ZNF343: variants seen among roughly 807,000 people sequenced by gnomAD.
The protein encoded by ZNF343 is zinc finger protein 343.
In ZNF343, 11 loss-of-function variants were observed where a neutral mutation model predicts 13.8. That is an observed-to-expected ratio of 0.80 (90% CI 0.50 to 1.32). The LOEUF (loss-of-function observed/expected upper bound fraction) is 1.32, where lower values mean the gene tolerates loss of function less well. Among genes scored for constraint, ZNF343 ranks in the 40% most tolerant of loss-of-function variants. The probability of loss-of-function intolerance (pLI) is 0.00; values close to 1 mark genes in which losing one functional copy is unlikely to be tolerated. For synonymous variants in ZNF343, 248 were observed against 260.0 expected (o/e 0.95, Z 0.44); for missense variants, 658 against 714.2 (o/e 0.92, Z 0.90).
intron 2 of ZNF343, among the ~76,000 whole-genome samples, chr20:2,494,866 C>G (rs1177186840): frequency 6.6e-6 from 1 of 152,114 alleles, no homozygotes; most frequent in Non-Finnish European, 1.5e-5. Context: ...CCAGTTCTCA[C>G]AATTACTCTG....
In ZNF343 at chr20:2,520,426, G is replaced by C. The variant is rs149005076; in HGVS notation, c.-347+4029C>G. ...GGTGGGAGGATCTCTTGAGCCCAGA[G>C]GTTAGAGATCAGCCTGGACAACATG... is the stretch of plus-strand genomic sequence containing the variant. On this transcript the variant is annotated intron_variant, in intron 1 of 6. Transcript: ENST00000358413. Among the ~76,000 whole-genome samples the C allele has an allele frequency of 2.2e-3, 332 of 152,108 alleles. 2 individuals are homozygous for C. Among genetic ancestry groups the C allele is most frequent in the African/African-American group, 7.4e-3 (306 of 41,472 alleles).
At position 2,484,350 on chromosome 20, in the gene ZNF343, G is replaced by C. The variant is rs958067692; in HGVS notation, c.611C>G (p.Pro204Arg). The C allele has an allele frequency of 5.6e-6, 9 of 1,614,216 alleles. No individual in the cohort carries two copies. The highest frequency in any genetic ancestry group is 7.6e-6 in the Non-Finnish European group (9 of 1,180,046). The change falls in exon 6 of 6, where the codon CCT becomes CGT. Residue 204 changes from proline to arginine, a missense_variant. Pro to Arg is a moderately radical substitution (Grantham distance 103, BLOSUM62 -2). Coordinates refer to ENST00000278772, the MANE Select transcript of ZNF343 (RefSeq NM_024325.6). The stretch of plus-strand genomic sequence containing the variant: ...TTCTACCACCATGTTGCCTTTTCTA[G>C]GACTTGCTGACTGTCTTTGGAGTGG... ...PSPLQRQSAS[P>R]RKGNMVVETE...
intron 1 of ZNF343, among the ~76,000 whole-genome samples, chr20:2,507,066 A>T (rs937464569): frequency 9.2e-5 from 14 of 152,064 alleles, no homozygotes; most frequent in Non-Finnish European, 1.8e-4. Context: ...GGAGTTCGAG[A>T]CCAGCCTGAC....
intron 4 of ZNF343, 89 bp downstream of exon 4, chr20:2,493,430 T>A: frequency 7.6e-7 from 1 of 1,322,664 alleles, no homozygotes; most frequent in South Asian, 1.2e-5. Context: ...TTGACCGCCT[T>A]TTCCTTTCCC....
chr20:2,494,416 C>T (rs1050587330), intron 2 of ZNF343, among the ~76,000 whole-genome samples: 3 of 152,040 alleles, frequency 2.0e-5, no homozygotes, highest in African/African-American at 7.2e-5. Flanking sequence ...CCAACTGGGG[C>T]GTGCAGAACT....
Position 2,482,233 on chromosome 20 carries a change from T to G in ZNF343, c.*928A>C, listed in dbSNP as rs547519565. The G allele has an allele frequency of 1.3e-5, 2 of 152,356 alleles. No homozygotes were observed. The highest frequency in any genetic ancestry group is 4.8e-5 in the African/African-American group (2 of 41,568). 9.4% of individuals were successfully genotyped at this position (152,356 alleles called of 1,614,324 possible). ...ATTCTCCCCACACATGCAGAATTTC[T>G]ATTCAATATACTCTGGGGCTTACTG... On this transcript the variant is annotated 3_prime_UTR_variant, in exon 6 of 6. Transcript: ENST00000278772.
rs550825186 is a variant in ZNF343 at position 2,485,990 on chromosome 20, G to A, written c.305-1334C>T. ...CATTATTTGTTTCTATTTCTGACCC[G>A]TCATCTCTTATAAGACTTGTGGTCA... On this transcript the variant is annotated intron_variant, in intron 5 of 5. Coordinates refer to ENST00000278772, the MANE Select transcript of ZNF343 (RefSeq NM_024325.6). Among the ~76,000 whole-genome samples the A allele has an allele frequency of 5.9e-5, 9 of 152,278 alleles. No homozygotes were observed. In the South Asian group the frequency reaches 6.2e-4, roughly 11 times the overall value.
chr20:2,500,906 T>C (rs957741185), intron 1 of ZNF343, among the ~76,000 whole-genome samples, 164 bp from the exon 2 acceptor site: 2 of 152,208 alleles, frequency 1.3e-5, no homozygotes, highest in Non-Finnish European at 2.9e-5. Context: ...AGGTGTTTTC[T>C]GCATTTCCAA....
intron 1 of ZNF343, among the ~76,000 whole-genome samples, chr20:2,507,433 T>C (rs2085681428): frequency 6.6e-6 from 1 of 152,192 alleles, no homozygotes; most frequent in South Asian, 2.1e-4. Context: ...ATCCCTTTAA[T>C]GCCTATGGGC....
chr20:2,505,115 C>T (rs1229478054), intron 1 of ZNF343, among the ~76,000 whole-genome samples: 1 of 152,156 alleles, frequency 6.6e-6, no homozygotes, highest in Non-Finnish European at 1.5e-5. Context: ...TCTCAGGATA[C>T]AAAATCAATG....
Position 2,492,719 on chromosome 20 carries a change from T to C in ZNF343, c.284A>G (p.Tyr95Cys), listed in dbSNP as rs1278834531. 6.2e-7 allele frequency: 1 copy of C among 1,610,986 alleles called. No homozygotes were observed. Among genetic ancestry groups the C allele is most frequent in the East Asian group, 2.2e-5 (1 of 44,834 alleles). The change falls in exon 5 of 6, where the codon TAC becomes TGC. Residue 95 changes from tyrosine (Y) to cysteine (C), a missense_variant. By Grantham distance (194) the Tyr-to-Cys change is radical (BLOSUM62 -2). Transcript: ENST00000278772. ...CTTACCCAATGAGAGAAGATTCCTG[T>C]AATTCTCCAGCATCACTTCTTTGTA... is the stretch of plus-strand genomic sequence containing the variant. Reference protein sequence around the residue: ...NLYKEVMLENYRNLLSLAEPK... With the variant: ...NLYKEVMLENCRNLLSLAEPK...
Position 2,493,940 on chromosome 20 carries a change from G to A in ZNF343, c.-45C>T, listed in dbSNP as rs1205930540. 2 of 1,290,796 alleles carry A rather than the reference G, an allele frequency of 1.5e-6. No homozygotes were observed. The highest frequency in any genetic ancestry group is 4.6e-5 in the East Asian group (2 of 43,368). 80.0% of individuals were successfully genotyped at this position (1,290,796 alleles called of 1,614,324 possible). ...TGTGTGCCTTGAAATTCTGCCAGAG[G>A]TCCAGGTAGATGTTATTTCATCTCA... On this transcript the variant is annotated 5_prime_UTR_variant, in exon 3 of 6. Coordinates refer to ENST00000278772, the MANE Select transcript of ZNF343 (RefSeq NM_024325.6).
intron 1 of ZNF343, among the ~76,000 whole-genome samples, chr20:2,520,114 A>G (rs116716069): frequency 0.017 from 2,527 of 152,298 alleles, 61 homozygotes; most frequent in African/African-American, 0.058. Context: ...ATTCAACATA[A>G]TAGAGTACTT....
upstream of ZNF343, among the ~76,000 whole-genome samples, chr20:2,510,437 ATTTTGT>A (rs1403303463): frequency 1.3e-5 from 2 of 151,942 alleles, no homozygotes; most frequent in African/African-American, 4.8e-5. Flanking sequence ...TTAGCAGGAG[ATTTTGT>A]TTTTATTTTC....
chr20:2,487,061 T>C (rs182562630), intron 5 of ZNF343, among the ~76,000 whole-genome samples: 1 of 152,382 alleles, frequency 6.6e-6, no homozygotes, highest in East Asian at 1.9e-4. Flanking sequence ...ATTTGGCCTG[T>C]AGACCCTAGT....
intron 1 of ZNF343, among the ~76,000 whole-genome samples, chr20:2,504,420 A>G (rs1344243592): frequency 6.6e-6 from 1 of 152,246 alleles, no homozygotes; most frequent in Non-Finnish European, 1.5e-5. Flanking sequence ...AAGCAATAGA[A>G]AAAGAAGGAA....
intron 1 of ZNF343, among the ~76,000 whole-genome samples, chr20:2,513,993 C>T (rs897178860): frequency 2.6e-5 from 4 of 152,136 alleles, no homozygotes; most frequent in African/African-American, 9.7e-5. Flanking sequence ...GCAAAATGAC[C>T]ACTTAATGGG....
At chr20:2,487,519 G>C (rs981401804) in intron 5 of ZNF343, among the ~76,000 whole-genome samples, 1 of 152,204 alleles carries the variant, frequency 6.6e-6, no homozygotes, top group Admixed American at 6.5e-5. Flanking sequence ...TATCAGTTCA[G>C]AGGAGCTCTT....
At chr20:2,515,012 AAAGAAG>A (rs997279830) in intron 1 of ZNF343, among the ~76,000 whole-genome samples, 5 of 151,844 alleles carry the variant, frequency 3.3e-5, no homozygotes, top group South Asian at 2.1e-4. Flanking sequence ...CAAAAAAAAA[AAAGAAG>A]AAGAAGAAGA....
Sources: allele counts gnomAD v4.1 joint callset (sites outside exome capture counted in the v4.1 genomes callset), GRCh38; gene constraint gnomAD v4.1.1; transcripts MANE v1.5; gene names NCBI Gene and HGNC (gene_info 2026-07-23, HGNC 2026-07-21).